The following ATP13A1 variants were observed in gnomAD, a reference collection of about 807,000 sequenced individuals.
ATP13A1 encodes ATPase 13A1.
In ATP13A1, 55 loss-of-function variants were observed where a neutral mutation model predicts 134.8. The ratio of observed to expected loss-of-function variants is 0.41; its 90% CI spans 0.33 to 0.51. The LOEUF is 0.51. Ranked by LOEUF, ATP13A1 falls within the 20% of genes least tolerant of loss-of-function variation. ATP13A1 has a pLI of 0.29. For missense variants in ATP13A1, 1,389 were observed against 1,652.8 expected (o/e 0.84, Z 2.77); for synonymous variants, 775 against 725.1 (o/e 1.07, Z -1.10).
In ATP13A1 at chr19:19,645,589, T is replaced by G; in HGVS notation, c.3505-57A>C. ...GACCTGCAGCCCAGCTCAGGGTCAC[T>G]GCCATAGGAGGGACCCATCAAGCTG... On this transcript the variant is annotated intron_variant, in intron 25 of 25. Transcript: ENST00000357324. The surrounding 1 kb of genome is among the most constrained non-coding windows in gnomAD (Gnocchi z 4.1). 2 of 1,561,604 alleles carry G rather than the reference T, an allele frequency of 1.3e-6. No individual in the cohort carries two copies. Among genetic ancestry groups the G allele is most frequent in the East Asian group, 2.4e-5 (1 of 41,700 alleles).
intron 3 of ATP13A1, among the ~76,000 whole-genome samples, chr19:19,658,353 A>G (rs1397268955): frequency 6.6e-6 from 1 of 152,106 alleles, no homozygotes; most frequent in African/African-American, 2.4e-5. Flanking sequence ...CCCCACTGCT[A>G]TCAAACAATA....
intron 13 of ATP13A1, 142 bp from the exon 14 acceptor site, chr19:19,654,286 C>A: frequency 6.6e-6 from 7 of 1,057,614 alleles, no homozygotes; most frequent in Non-Finnish European, 9.3e-6. Flanking sequence ...AGGTGTTGGT[C>A]CAGAGCTGGA....
rs2144892960 is a variant in ATP13A1 at position 19,645,351 on chromosome 19, C to G, written c.*71G>C. ...CTGTGGGGGGTTGGGGGCAGGGTTC[C>G]CTCCCGGGGCCCTGTTGGGGTTCCC... On this transcript the variant is annotated 3_prime_UTR_variant, in exon 26 of 26. Transcript: ENST00000357324. The surrounding 1 kb of genome is among the most constrained non-coding windows in gnomAD (Gnocchi z 4.1). 1 of 1,496,118 alleles carries G rather than the reference C, an allele frequency of 6.7e-7. No homozygotes were observed. The highest frequency in any genetic ancestry group is 9.1e-7 in the Non-Finnish European group (1 of 1,100,924). 92.7% of individuals were successfully genotyped at this position (1,496,118 alleles called of 1,614,324 possible).
chr19:19,646,156 C>A, intron 23 of ATP13A1, 49 bp downstream of exon 23: 1 of 1,611,430 alleles, frequency 6.2e-7, no homozygotes, highest in Non-Finnish European at 8.5e-7. Flanking sequence ...AGTCATCCTC[C>A]TGCTATTCTC....
At position 19,653,462 on chromosome 19, in the gene ATP13A1, T is replaced by G; in HGVS notation, c.2100+322A>C. 1.1e-5 allele frequency: 4 copies of G among 368,818 alleles called. No individual in the cohort carries two copies. The highest frequency in any genetic ancestry group is 5.1e-5 in the East Asian group (1 of 19,582). The allele number at this position is 368,818 out of a possible 1,614,324, so 22.8% of individuals were successfully genotyped here. A position where few individuals can be genotyped will look rare whatever the true frequency, so the allele number is the denominator to read the frequency against. The stretch of plus-strand genomic sequence containing the variant: ...CGGTGGTGGAGGCGGAGGGTGGGCT[T>G]TGTGGAGGATGGATGGGTGAGAGGG... On this transcript the variant is annotated intron_variant, in intron 15 of 25. Coordinates refer to ENST00000357324, the MANE Select transcript of ATP13A1 (RefSeq NM_020410.3). This position sits in a 1 kb window ranked among gnomAD's most constrained non-coding sequence, Gnocchi z 4.2.
In ATP13A1 at chr19:19,656,774, G is replaced by A. The variant is rs2062061176; in HGVS notation, c.977-8C>T. The A allele has an allele frequency of 1.2e-6, 2 of 1,613,372 alleles. No homozygotes were observed. The highest frequency in any genetic ancestry group is 1.7e-6 in the Non-Finnish European group (2 of 1,179,750). On this transcript the variant is annotated splice_region_variant and splice_polypyrimidine_tract_variant and intron_variant, in intron 6 of 25. Transcript: ENST00000357324. This position sits in a 1 kb window ranked among gnomAD's most constrained non-coding sequence, Gnocchi z 4.6. Reference sequence around the variant, plus strand: ...TCTCCTGTGGGGAGCGGCCTGCAGGGCAGAGGCAGGAGGGTTGGCCAGAGG... The same window carrying A: ...TCTCCTGTGGGGAGCGGCCTGCAGGACAGAGGCAGGAGGGTTGGCCAGAGG...
intron 1 of ATP13A1, among the ~76,000 whole-genome samples, chr19:19,661,254 C>T (rs1009908625): frequency 1.5e-4 from 23 of 152,266 alleles, no homozygotes; most frequent in African/African-American, 1.2e-4. Context: ...CCACCCAGTA[C>T]GTCCTCAATT....
rs771955367 is a variant in ATP13A1, at chr19:19,647,559, G to C, written c.2794-31C>G. 4.3e-6 allele frequency: 7 copies of C among 1,612,538 alleles called. No individual in the cohort carries two copies. The highest frequency in any genetic ancestry group is 5.9e-6 in the Non-Finnish European group (7 of 1,179,200). On this transcript the variant is annotated intron_variant, in intron 20 of 25. Coordinates refer to ENST00000357324, the MANE Select transcript of ATP13A1 (RefSeq NM_020410.3). This position sits in a 1 kb window ranked among gnomAD's most constrained non-coding sequence, Gnocchi z 4.8. The stretch of plus-strand genomic sequence containing the variant: ...GGGTAGACAGCAGGCTGTCAGCCCT[G>C]GCCAGGATGGGGTGCAGCACCTCCC...
Position 19,653,689 on chromosome 19 carries a change from C to A in ATP13A1, c.2100+95G>T. 8.6e-7 allele frequency: 1 copy of A among 1,163,538 alleles called. No individual in the cohort carries two copies. Among genetic ancestry groups the A allele is most frequent in the Non-Finnish European group, 1.2e-6 (1 of 830,356 alleles). 72.1% of individuals were successfully genotyped at this position (1,163,538 alleles called of 1,614,324 possible). A position where few individuals can be genotyped will look rare whatever the true frequency, so the allele number is the denominator to read the frequency against. ...CGGGGCAAGGAGGACAAAATCACAACCATTCAACCTGGCACTGTGGGACAC... is the reference window on the plus strand; with the variant it reads ...CGGGGCAAGGAGGACAAAATCACAAACATTCAACCTGGCACTGTGGGACAC... On this transcript the variant is annotated intron_variant, in intron 15 of 25. Transcript: ENST00000357324. The surrounding 1 kb of genome is among the most constrained non-coding windows in gnomAD (Gnocchi z 4.2).
Position 19,654,813 on chromosome 19 carries a change from GCT to G in ATP13A1, c.1656-115_1656-114del, listed in dbSNP as rs2062046965. ...TCATTCCGTGCTTGTCACTGGGGTG[GCT>G]TGGGCGCCAACTGGGTCTTTATGAG... On this transcript the variant is annotated intron_variant, in intron 12 of 25. Transcript: ENST00000357324. 9.3e-6 allele frequency: 12 copies of G among 1,294,196 alleles called. No homozygotes were observed. The South Asian group carries it at 1.0e-4, about 11-fold the overall frequency. The allele number at this position is 1,294,196 out of a possible 1,614,324, so 80.2% of individuals were successfully genotyped here.
chr19:19,651,621 G>A (rs1049421736), intron 17 of ATP13A1, 68 bp downstream of exon 17: 2 of 1,289,262 alleles, frequency 1.6e-6, no homozygotes, highest in Non-Finnish European at 2.2e-6. Context: ...CAGGTGGGCT[G>A]TTGCGATGGG....
chr19:19,646,647 C>A, intron 22 of ATP13A1: 1 of 469,010 alleles, frequency 2.1e-6, no homozygotes, highest in Admixed American at 3.4e-5. Context: ...AGGCACAGTC[C>A]CGCCCAGCCA....
In ATP13A1 at chr19:19,663,519, C is replaced by T; in HGVS notation, c.148G>A (p.Val50Met). The change falls in exon 1 of 26, where the codon GTG becomes ATG. Residue 50 changes from valine (V) to methionine (M), a missense_variant. Val to Met is a conservative substitution (Grantham distance 21, BLOSUM62 1). Around this residue, in one of 4 missense-constraint regions of ATP13A1, gnomAD observed 293 missense variants for 270.8 expected, o/e 1.08. Transcript: ENST00000357324. ...PALIANGDEL[V>M]AAVWPYRRLA... Reference sequence around the variant, plus strand: ...CGCCGGTACGGCCACACGGCAGCCACCAGCTCGTCACCGTTCGCTATGAGC... The same window carrying T: ...CGCCGGTACGGCCACACGGCAGCCATCAGCTCGTCACCGTTCGCTATGAGC... 6.5e-7 allele frequency: 1 copy of T among 1,533,068 alleles called. No homozygotes were observed. Among genetic ancestry groups the T allele is most frequent in the Non-Finnish European group, 8.7e-7 (1 of 1,145,496 alleles). The allele number at this position is 1,533,068 out of a possible 1,614,324, so 95.0% of individuals were successfully genotyped here.
At chr19:19,646,646 C>T in intron 22 of ATP13A1, 1 of 468,800 alleles carries the variant, frequency 2.1e-6, no homozygotes, top group Admixed American at 3.4e-5. Context: ...CAGGCACAGT[C>T]CCGCCCAGCC....
At chr19:19,646,453 C>A (rs10423311) in intron 22 of ATP13A1, 106 bp from the exon 23 acceptor site, 13 of 1,322,720 alleles carry the variant, frequency 9.8e-6, no homozygotes, top group Admixed American at 5.9e-5. Flanking sequence ...ACCTTGTGTA[C>A]AGCCACCACC....
intron 13 of ATP13A1, 128 bp downstream of exon 13, chr19:19,654,415 C>T: frequency 1.6e-6 from 2 of 1,243,260 alleles, no homozygotes; most frequent in Non-Finnish European, 1.1e-6. Context: ...TCTGGCCACC[C>T]ACCTCGGGGA....
rs994565791 is a variant in ATP13A1, at chr19:19,656,506, C to T, written c.1083+154G>A. Among the ~76,000 whole-genome samples the T allele has an allele frequency of 6.6e-6, 1 of 152,150 alleles. No individual in the cohort carries two copies. Among genetic ancestry groups the T allele is most frequent in the Admixed American group, 6.5e-5 (1 of 15,276 alleles). ...TGGCTCTCTCACCTCCTTCCTCGCC[C>T]CCACCACCCGGCTCCCCAGTCCACA... On this transcript the variant is annotated intron_variant, in intron 7 of 25. Transcript: ENST00000357324. This position sits in a 1 kb window ranked among gnomAD's most constrained non-coding sequence, Gnocchi z 4.6.
In ATP13A1 at chr19:19,654,646, G is replaced by C; in HGVS notation, c.1710C>G (p.Ala570=). Residue 570 remains alanine, a synonymous_variant, in exon 13 of 26, where the codon GCC becomes GCG. Transcript: ENST00000357324. ...GCATGAGCGAGTGGCACGAGGCCAGGGCCCGGTGTGTTTCTACAGGGATGC... is the reference window on the plus strand; with the variant it reads ...GCATGAGCGAGTGGCACGAGGCCAGCGCCCGGTGTGTTTCTACAGGGATGC... ...VSSIPVETHR[A]LASCHSLMQL... is the part of the protein sequence containing the mutation. 6.2e-7 allele frequency: 1 copy of C among 1,613,652 alleles called. No individual in the cohort carries two copies. Among genetic ancestry groups the C allele is most frequent in the Non-Finnish European group, 8.5e-7 (1 of 1,179,870 alleles).
chr19:19,646,219 G>C lies in ATP13A1; in HGVS notation c.3234C>G (p.Ala1078=). The change falls in exon 23 of 26, where the codon GCC becomes GCG. Residue 1078 remains alanine (A), a synonymous_variant. Transcript: ENST00000357324. ...SLVYLYREAQ[A]RSPEKQEQFV... Reference sequence around the variant, plus strand: ...GCAGCACTTACTTCTCGGGGCTCCGGGCCTGGGCCTCACGGTACAGGTAGA... The same window carrying C: ...GCAGCACTTACTTCTCGGGGCTCCGCGCCTGGGCCTCACGGTACAGGTAGA... 1 of 1,613,904 alleles carries C rather than the reference G, an allele frequency of 6.2e-7. No individual in the cohort carries two copies. The highest frequency in any genetic ancestry group is 8.5e-7 in the Non-Finnish European group (1 of 1,179,852).
Sources: allele counts gnomAD v4.1 joint callset (sites outside exome capture counted in the v4.1 genomes callset), GRCh38; gene constraint gnomAD v4.1.1; regional missense constraint gnomAD v4.1.1; non-coding constraint Gnocchi (gnomAD v3.1); transcripts MANE v1.5; gene names NCBI Gene and HGNC (gene_info 2026-07-23, HGNC 2026-07-21).